Variants in FIG4 observed in about 807,000 individuals in gnomAD.
FIG4 encodes the protein FIG4 phosphoinositide 5-phosphatase.
Under a neutral mutation model 118.6 loss-of-function variants are expected in FIG4, and 112 were observed. The observed-to-expected ratio is 0.94, with a 90% CI of 0.81 to 1.11. FIG4 has a LOEUF of 1.11. Among genes scored for constraint, FIG4 ranks in the 50% least tolerant of loss-of-function variants. FIG4 has a pLI of 0.00. For missense variants in FIG4, 969 were observed against 1,111.7 expected, an observed-to-expected ratio of 0.87 and a Z score of 1.83; for synonymous variants, 369 against 381.2, an observed-to-expected ratio of 0.97 and a Z score of 0.37.
intron 16 of FIG4, 152 bp from the exon 17 acceptor site, chr6:109,784,818 C>T: frequency 2.0e-6 from 1 of 493,746 alleles, no homozygotes; most frequent in Admixed American, 3.4e-5. Context: ...CCTACTGTGT[C>T]AAAAGCTTTG....
In FIG4 at chr6:109,791,553, C is replaced by T. The variant is rs1778138947; in HGVS notation, c.2358C>T (p.Asp786=). The T allele has an allele frequency of 1.2e-6, 2 of 1,613,772 alleles. No homozygotes were observed. Among genetic ancestry groups the T allele is most frequent in the African/African-American group, 1.3e-5 (1 of 74,912 alleles). ...STPVKMTDAG[D]SAKVTENVVQ... ...CCGTGAAGATGACTGATGCAGGAGA[C>T]AGTGCCAAAGTGACCGAGGTGCGGG... Residue 786 remains aspartate (D), a synonymous_variant, in exon 20 of 23, where the codon GAC becomes GAT. Coordinates refer to ENST00000230124, the MANE Select transcript of FIG4 (RefSeq NM_014845.6).
rs570555524 is a variant in FIG4 at position 109,730,052 on chromosome 6, A to AT, written c.447-2574dup. 7.4e-3 allele frequency among the ~76,000 whole-genome samples: 1,093 copies of AT among 148,432 alleles called. 13 individuals are homozygous for AT. The highest frequency in any genetic ancestry group is 0.035 in the South Asian group (163 of 4,672). On this transcript the variant is annotated intron_variant, in intron 4 of 22. Coordinates refer to ENST00000230124, the MANE Select transcript of FIG4 (RefSeq NM_014845.6). ...TAGTTTTCTCCAAAATTAATTTATAATTTTTTTTTTTCTTGAGACAAGGTC... is the reference window on the plus strand; with the variant it reads ...TAGTTTTCTCCAAAATTAATTTATAATTTTTTTTTTTTCTTGAGACAAGGTC...
intron 18 of FIG4, among the ~76,000 whole-genome samples, chr6:109,787,285 A>G (rs1777998618): frequency 6.6e-6 from 1 of 152,078 alleles, no homozygotes; most frequent in Admixed American, 6.5e-5. Flanking sequence ...TATATTTCAC[A>G]TTTTCTTCAG....
chr6:109,771,369 T>A (rs2128393613), intron 15 of FIG4, among the ~76,000 whole-genome samples: 1 of 151,766 alleles, frequency 6.6e-6, no homozygotes, highest in East Asian at 1.9e-4. Context: ...TTGTCCTCTC[T>A]CCTTAAAACT....
chr6:109,780,174 A>G (rs144938278), intron 16 of FIG4, among the ~76,000 whole-genome samples: 1 of 152,346 alleles, frequency 6.6e-6, no homozygotes, highest in African/African-American at 2.4e-5. Context: ...GATCATATAA[A>G]TGGTTAGCAC....
rs1224405547 is a variant in FIG4 at position 109,691,587 on chromosome 6, GCCT to G, written c.66+96_66+98del. ...GGCCGTAGGACAGAGGCTGTACTCT[GCCT>G]CCTCCTCCTTCCTCTCCAGTTCCCA... On this transcript the variant is annotated intron_variant, in intron 1 of 22. Transcript: ENST00000230124. The G allele has an allele frequency of 3.4e-5, 40 of 1,166,978 alleles. 1 individual carries two copies. The East Asian group carries it at 8.9e-4, about 26-fold the overall frequency. The allele number at this position is 1,166,978 out of a possible 1,614,324, so 72.3% of individuals were successfully genotyped here.
chr6:109,719,718 C>T (rs1775549572), intron 3 of FIG4, among the ~76,000 whole-genome samples: 3 of 152,130 alleles, frequency 2.0e-5, no homozygotes, highest in Non-Finnish European at 2.9e-5. Flanking sequence ...AAATAGCTGT[C>T]CTTGGGTATT....
At chr6:109,691,752 C>T (rs1051279079) in intron 1 of FIG4, among the ~76,000 whole-genome samples, 8 of 152,200 alleles carry the variant, frequency 5.3e-5, no homozygotes, top group Non-Finnish European at 1.0e-4. Flanking sequence ...ACGCTGGAAA[C>T]AGGTGCTTGT....
In FIG4 at chr6:109,750,150, C is replaced by G. The variant is rs946813760; in HGVS notation, c.1137+6378C>G. On this transcript the variant is annotated intron_variant, in intron 10 of 22. Transcript: ENST00000230124. ...TTTCATGATTTCATTTCTCTTTTAC[C>G]CTGTGTTGCGAACTTCTTCCCAGTT... is the stretch of plus-strand genomic sequence containing the variant. Among the ~76,000 whole-genome samples, 5 of 152,184 alleles carry G rather than the reference C, an allele frequency of 3.3e-5. No homozygotes were observed. The East Asian group carries it at 9.7e-4, about 29-fold the overall frequency.
At chr6:109,698,770 G>A (rs1450161481) in intron 1 of FIG4, among the ~76,000 whole-genome samples, 3 of 151,984 alleles carry the variant, frequency 2.0e-5, no homozygotes, top group Admixed American at 1.3e-4. Flanking sequence ...CTTTATTTGC[G>A]TATTATGGCC....
At chr6:109,716,769 C>T (rs1583643387) in intron 3 of FIG4, among the ~76,000 whole-genome samples, 3 of 152,306 alleles carry the variant, frequency 2.0e-5, no homozygotes, top group Admixed American at 2.0e-4. Context: ...TAGCACTGCT[C>T]AGTTTTATTT....
At chr6:109,819,010 T>A (rs533343925) in intron 22 of FIG4, among the ~76,000 whole-genome samples, 1 of 152,318 alleles carries the variant, frequency 6.6e-6, no homozygotes, top group South Asian at 2.1e-4. Context: ...CAGTTATCCG[T>A]GTATACTCTT....
chr6:109,721,359 G>C (rs7764711), intron 3 of FIG4, among the ~76,000 whole-genome samples: 121,136 of 151,956 alleles, frequency 0.8, 48,478 homozygotes, highest in African/African-American at 0.89. Flanking sequence ...GCTGTTCTCA[G>C]TGGAGGCTTT....
At chr6:109,822,783 GTATGTATATATATATATA>G (rs1172839847) in intron 22 of FIG4, among the ~76,000 whole-genome samples, 3 of 120,668 alleles carry the variant, frequency 2.5e-5, no homozygotes, top group African/African-American at 1.1e-4. Flanking sequence ...GTGTGTGTGT[GTATGTATATATATATATA>G]TATATATATA....
chr6:109,743,841 G>C, intron 10 of FIG4, 69 bp downstream of exon 10: 1 of 1,068,584 alleles, frequency 9.4e-7, no homozygotes, highest in South Asian at 1.3e-5. Context: ...CAACACAGAG[G>C]GGGTTAACAA....
intron 22 of FIG4, among the ~76,000 whole-genome samples, chr6:109,806,676 T>C (rs1307278847): frequency 1.3e-5 from 2 of 151,660 alleles, no homozygotes; most frequent in Non-Finnish European, 3.0e-5. Context: ...ACAGAATGCA[T>C]AGGTTTGTTA....
At chr6:109,715,795 T>C (rs917813048) in intron 2 of FIG4, among the ~76,000 whole-genome samples, 6 of 152,176 alleles carry the variant, frequency 3.9e-5, no homozygotes, top group Admixed American at 1.3e-4. Flanking sequence ...CAAGTTATCT[T>C]TTGTGTTGAA....
intron 15 of FIG4, among the ~76,000 whole-genome samples, chr6:109,775,672 T>C (rs1777597535): frequency 6.6e-6 from 1 of 152,178 alleles, no homozygotes; most frequent in Non-Finnish European, 1.5e-5. Flanking sequence ...TATTTAATGC[T>C]TGATGTTTTC....
chr6:109,733,874 T>A (rs1179215029), intron 5 of FIG4, among the ~76,000 whole-genome samples: 3 of 152,052 alleles, frequency 2.0e-5, no homozygotes. Flanking sequence ...TTATACTGAG[T>A]TGTGATCAAG....
Sources: gnomAD v4.1 joint callset for allele counts (sites outside exome capture counted in the v4.1 genomes callset) on GRCh38, gnomAD v4.1.1 for gene constraint, MANE v1.5 for transcripts, NCBI Gene and HGNC (gene_info 2026-07-23, HGNC 2026-07-21) for gene names.